The following TRAK2 variants were observed in gnomAD, a reference collection of about 807,000 sequenced individuals.
The protein encoded by TRAK2 is trafficking kinesin-binding protein 2.
In TRAK2, 81 loss-of-function variants were observed where a neutral mutation model predicts 104.6. The observed-to-expected ratio is 0.77, with a 90% CI of 0.65 to 0.93. The LOEUF is 0.93. Ranked by LOEUF, TRAK2 falls within the 40% of genes least tolerant of loss-of-function variation. The probability of loss-of-function intolerance (pLI) is 0.00; values close to 1 mark genes in which losing one functional copy is unlikely to be tolerated. For synonymous variants in TRAK2, 406 were observed against 394.4 expected (o/e 1.03, Z -0.35); for missense variants, 1,002 against 1,089.0 (o/e 0.92, Z 1.12).
At chr2:201,401,703 T>C (rs1444160496) in intron 3 of TRAK2, among the ~76,000 whole-genome samples, 1 of 152,100 alleles carries the variant, frequency 6.6e-6, no homozygotes, top group Non-Finnish European at 1.5e-5. Flanking sequence ...AAATAAATTG[T>C]ATGCTACATT....
intron 10 of TRAK2, among the ~76,000 whole-genome samples, chr2:201,391,973 C>T (rs1264542964): frequency 2.0e-5 from 3 of 152,182 alleles, no homozygotes; most frequent in Non-Finnish European, 4.4e-5. Flanking sequence ...GATGATAATA[C>T]TGCATAAACA....
At chr2:201,417,241 CAAAAAAA>C (rs61702415) in intron 2 of TRAK2, among the ~76,000 whole-genome samples, 5 of 88,432 alleles carry the variant, frequency 5.7e-5, no homozygotes, top group African/African-American at 2.3e-4. Flanking sequence ...GAAGACATTG[CAAAAAAA>C]AAAAAAAAAA....
chr2:201,429,157 A>C (rs1365684997), intron 1 of TRAK2, among the ~76,000 whole-genome samples: 1 of 152,044 alleles, frequency 6.6e-6, no homozygotes, highest in Non-Finnish European at 1.5e-5. Context: ...AATACCCTCT[A>C]TTTCTTTCTC....
Position 201,380,501 on chromosome 2 carries a change from T to G in TRAK2, c.*42A>C. ...ACATGTTTCAGTGCATATCTATCCT[T>G]CATGTGCTAACTTGTATAAAAGGTC... On this transcript the variant is annotated 3_prime_UTR_variant, in exon 16 of 16. Transcript: ENST00000332624. 1 of 1,579,374 alleles carries G rather than the reference T, an allele frequency of 6.3e-7. No homozygotes were observed. The highest frequency in any genetic ancestry group is 1.7e-5 in the Admixed American group (1 of 58,552).
intron 2 of TRAK2, chr2:201,412,236 A>T: frequency 2.0e-6 from 2 of 980,174 alleles, no homozygotes; most frequent in Non-Finnish European, 3.3e-6. Context: ...TGGGCAGTAG[A>T]ACCTTTGGCA....
Position 201,389,487 on chromosome 2 carries a change from C to A in TRAK2, c.1210G>T (p.Val404Leu), listed in dbSNP as rs142718418. The A allele has an allele frequency of 9.7e-5, 156 of 1,614,040 alleles. 1 individual carries two copies. In the African/African-American group the frequency reaches 1.9e-3, roughly 20 times the overall value. The change falls in exon 12 of 16, where the codon GTA becomes TTA. Residue 404 changes from valine to leucine, a missense_variant. Val to Leu is a conservative substitution (Grantham distance 32). Coordinates refer to ENST00000332624, the MANE Select transcript of TRAK2 (RefSeq NM_015049.3). ...LFKQKAQQKR[V>L]FDTVRIANDT... Reference sequence around the variant, plus strand: ...TTGGCAATCCTGACGGTATCAAATACCCGCTTCTGTTGGGCTCTGTCAAAA... The same window carrying A: ...TTGGCAATCCTGACGGTATCAAATAACCGCTTCTGTTGGGCTCTGTCAAAA...
chr2:201,428,674 C>T (rs1951813029), intron 1 of TRAK2, among the ~76,000 whole-genome samples: 1 of 152,132 alleles, frequency 6.6e-6, no homozygotes, highest in Non-Finnish European at 1.5e-5. Context: ...TACATATGAA[C>T]TTTAAAGTAG....
intron 10 of TRAK2, among the ~76,000 whole-genome samples, chr2:201,390,390 A>G (rs1312278955): frequency 1.1e-5 from 1 of 94,496 alleles, no homozygotes; most frequent in Non-Finnish European, 2.7e-5. Flanking sequence ...TAAAAATACA[A>G]AAAAATACAA....
intron 9 of TRAK2, 108 bp downstream of exon 9, chr2:201,394,690 T>C (rs1951483997): frequency 1.0e-6 from 1 of 958,404 alleles, no homozygotes; most frequent in South Asian, 1.6e-5. Context: ...CCTTTTGTTG[T>C]TGTTTTTTAA....
In TRAK2 at chr2:201,426,069, G is replaced by A. The variant is rs546947306; in HGVS notation, c.-199-5363C>T. ...ACTCTACATCTTTGTTCTACAGCAGGGGTCCCCAACTCCTGTGCCATAGAA... is the reference window on the plus strand; with the variant it reads ...ACTCTACATCTTTGTTCTACAGCAGAGGTCCCCAACTCCTGTGCCATAGAA... On this transcript the variant is annotated intron_variant, in intron 1 of 15. Coordinates refer to ENST00000332624, the MANE Select transcript of TRAK2 (RefSeq NM_015049.3). Among the ~76,000 whole-genome samples the A allele has an allele frequency of 4.6e-5, 7 of 152,188 alleles. No homozygotes were observed. In the South Asian group the frequency reaches 1.5e-3, roughly 32 times the overall value.
At chr2:201,431,352 GAA>G (rs771041078) in intron 1 of TRAK2, among the ~76,000 whole-genome samples, 10 of 152,196 alleles carry the variant, frequency 6.6e-5, no homozygotes, top group Non-Finnish European at 1.3e-4. Flanking sequence ...TCAGAAAAAT[GAA>G]AAGTGTCAAT....
chr2:201,397,932 T>A, intron 6 of TRAK2: 1 of 573,346 alleles, frequency 1.7e-6, no homozygotes, highest in Non-Finnish European at 3.1e-6. Context: ...ATCCTGTGAC[T>A]TTCACTATTG....
intron 4 of TRAK2, 64 bp downstream of exon 4, chr2:201,400,954 G>C: frequency 1.5e-6 from 2 of 1,334,516 alleles, no homozygotes; most frequent in Non-Finnish European, 2.1e-6. Context: ...GTGCAAATTT[G>C]ATAGATTCCA....
chr2:201,411,150 G>A, intron 2 of TRAK2: 2 of 781,458 alleles, frequency 2.6e-6, no homozygotes, highest in Admixed American at 4.0e-5. Flanking sequence ...AGTCAAAGAT[G>A]ACATATTATC....
chr2:201,389,940 T>A, intron 10 of TRAK2, 60 bp from the exon 11 acceptor site: 1 of 1,261,878 alleles, frequency 7.9e-7, no homozygotes, highest in Non-Finnish European at 1.1e-6. Flanking sequence ...ACAGAGTCTC[T>A]ACAATCCTAT....
In TRAK2 at chr2:201,433,770, C is replaced by T. The variant is rs558547949; in HGVS notation, c.-199-13064G>A. ...CGCGGTTTTTGATAAGTTTCCACAG[C>T]AGCACTTTAATTCACCATGCTTAAA... On this transcript the variant is annotated intron_variant, in intron 1 of 15. Coordinates refer to ENST00000332624, the MANE Select transcript of TRAK2 (RefSeq NM_015049.3). 1.9e-4 allele frequency among the ~76,000 whole-genome samples: 29 copies of T among 152,300 alleles called. No individual in the cohort carries two copies. The South Asian group carries it at 5.4e-3, about 28-fold the overall frequency.
rs758809284 is a variant in TRAK2 at position 201,393,921 on chromosome 2, G to T, written c.976-875C>A. On this transcript the variant is annotated intron_variant, in intron 9 of 15. Coordinates refer to ENST00000332624, the MANE Select transcript of TRAK2 (RefSeq NM_015049.3). ...CACCACTACACCTAGCTAAGTTTTT[G>T]ATTGTTTTGTAGAGACGAAGGTTTC... Among the ~76,000 whole-genome samples, 24 of 152,070 alleles carry T rather than the reference G, an allele frequency of 1.6e-4. 1 individual carries two copies. The highest frequency in any genetic ancestry group is 3.9e-4 in the Admixed American group (6 of 15,266).
chr2:201,441,353 A>T (rs1201749206), intron 1 of TRAK2, among the ~76,000 whole-genome samples: 1 of 152,224 alleles, frequency 6.6e-6, no homozygotes, highest in Admixed American at 6.5e-5. Flanking sequence ...TTTTATCACA[A>T]TTTCCACTAA....
chr2:201,382,510 C>T (rs1006185108), intron 15 of TRAK2, among the ~76,000 whole-genome samples: 1 of 151,932 alleles, frequency 6.6e-6, no homozygotes, highest in African/African-American at 2.4e-5. Context: ...ATTGTATTCC[C>T]AGTCTCTAAA....
Sources: allele counts gnomAD v4.1 joint callset (sites outside exome capture counted in the v4.1 genomes callset), GRCh38; gene constraint gnomAD v4.1.1; transcripts MANE v1.5; gene names NCBI Gene and HGNC (gene_info 2026-07-23, HGNC 2026-07-21).